DEFB123: variants seen among roughly 807,000 people sequenced by gnomAD.
DEFB123 encodes the protein beta-defensin 123.
For missense variants in DEFB123, 71 were observed against 75.0 expected, an observed-to-expected ratio of 0.95 and a Z score of 0.20; for synonymous variants, 22 against 28.3, an observed-to-expected ratio of 0.78 and a Z score of 0.71.
chr20:31,441,318 G>A (rs1979457982), intron 1 of DEFB123, among the ~76,000 whole-genome samples: 1 of 152,170 alleles, frequency 6.6e-6, no homozygotes, highest in Admixed American at 6.5e-5. Flanking sequence ...CCCAGGCTGA[G>A]GGAAAGGAGA....
chr20:31,447,190 C>T (rs540882184), intron 1 of DEFB123, among the ~76,000 whole-genome samples: 11 of 145,422 alleles, frequency 7.6e-5, no homozygotes, highest in Middle Eastern at 4.3e-3. Flanking sequence ...TGAACCCGGG[C>T]GGTGGAGGTT....
intron 1 of DEFB123, among the ~76,000 whole-genome samples, chr20:31,442,574 AG>A (rs765163660): frequency 6.8e-6 from 1 of 147,502 alleles, no homozygotes; most frequent in Non-Finnish European, 1.5e-5. Flanking sequence ...AGTGAACACC[AG>A]GGGAAGGGGA....
At chr20:31,441,705 TC>T (rs1979468992) in intron 1 of DEFB123, among the ~76,000 whole-genome samples, 1 of 152,116 alleles carries the variant, frequency 6.6e-6, no homozygotes, top group Non-Finnish European at 1.5e-5. Context: ...GGCTAACCTT[TC>T]TACAGAGTCA....
intron 1 of DEFB123, among the ~76,000 whole-genome samples, chr20:31,448,697 G>C (rs1377650797): frequency 6.6e-6 from 1 of 151,764 alleles, no homozygotes; most frequent in East Asian, 1.9e-4. Flanking sequence ...TATTCCATGT[G>C]AATATATACA....
chr20:31,443,134 C>T (rs1194603157), intron 1 of DEFB123, among the ~76,000 whole-genome samples: 1 of 152,188 alleles, frequency 6.6e-6, no homozygotes, highest in South Asian at 2.1e-4. Context: ...GTCCTGCTAG[C>T]ACTTACTACT....
intron 1 of DEFB123, among the ~76,000 whole-genome samples, chr20:31,444,865 C>T (rs1979547515): frequency 6.6e-6 from 1 of 152,172 alleles, no homozygotes; most frequent in African/African-American, 2.4e-5. Flanking sequence ...CTTCATCCCC[C>T]AAATTAAGCA....
At chr20:31,447,785 T>TC (rs1409580091) in intron 1 of DEFB123, among the ~76,000 whole-genome samples, 1 of 137,704 alleles carries the variant, frequency 7.3e-6, no homozygotes, top group Non-Finnish European at 1.6e-5. Flanking sequence ...CCCGGCTTTT[T>TC]TTTTTTTTTT....
At chr20:31,449,767 CAA>C (rs59939526) in intron 1 of DEFB123, among the ~76,000 whole-genome samples, 168 of 52,468 alleles carry the variant, frequency 3.2e-3, no homozygotes, top group African/African-American at 7.6e-3. Flanking sequence ...AGACTCATCT[CAA>C]AAAAAAAAAA....
intron 1 of DEFB123, among the ~76,000 whole-genome samples, chr20:31,443,475 G>C (rs1218982271): frequency 6.6e-6 from 1 of 152,214 alleles, no homozygotes; most frequent in Non-Finnish European, 1.5e-5. Flanking sequence ...TTTCTCTGAA[G>C]AGCTACCAGT....
intron 1 of DEFB123, among the ~76,000 whole-genome samples, chr20:31,443,613 C>T (rs1234569478): frequency 6.6e-6 from 1 of 152,186 alleles, no homozygotes; most frequent in African/African-American, 2.4e-5. Context: ...ATTATCTCTA[C>T]TTCCTGAGTG....
At chr20:31,447,080 T>C (rs1979607374) in intron 1 of DEFB123, among the ~76,000 whole-genome samples, 1 of 151,712 alleles carries the variant, frequency 6.6e-6, no homozygotes, top group African/African-American at 2.4e-5. Flanking sequence ...CTGACCAACA[T>C]GGAGAAACCC....
intron 1 of DEFB123, among the ~76,000 whole-genome samples, chr20:31,443,426 T>C (rs1352452686): frequency 6.6e-6 from 1 of 152,202 alleles, no homozygotes; most frequent in Non-Finnish European, 1.5e-5. Context: ...CCCCTTCAGG[T>C]AGCACCATGC....
chr20:31,445,831 G>A (rs566663625), intron 1 of DEFB123, among the ~76,000 whole-genome samples: 151 of 152,304 alleles, frequency 9.9e-4, no homozygotes, highest in Non-Finnish European at 1.5e-3. Context: ...ATGGGCCACC[G>A]CACCCGGCCG....
rs1979685953 is a variant in DEFB123 at position 31,449,664 on chromosome 20, G to A, written c.59-365G>A. Among the ~76,000 whole-genome samples, 7 of 149,750 alleles carry A rather than the reference G, an allele frequency of 4.7e-5. No homozygotes were observed. In the South Asian group the frequency reaches 1.5e-3, roughly 32 times the overall value. ...ATGTCTGTTGTCCTAGCTCCTCGGGGAAACTCAGGTGGGAGAGTCCCTTGA... is the reference window on the plus strand; with the variant it reads ...ATGTCTGTTGTCCTAGCTCCTCGGGAAAACTCAGGTGGGAGAGTCCCTTGA... On this transcript the variant is annotated intron_variant, in intron 1 of 1. Transcript: ENST00000376309.
chr20:31,443,835 G>A (rs1979522601), intron 1 of DEFB123, among the ~76,000 whole-genome samples: 1 of 152,192 alleles, frequency 6.6e-6, no homozygotes, highest in Admixed American at 6.5e-5. Context: ...TGTTGGGTAT[G>A]GTAGTGGTGA....
intron 1 of DEFB123, among the ~76,000 whole-genome samples, chr20:31,447,155 G>A (rs981652592): frequency 1.3e-5 from 2 of 151,712 alleles, no homozygotes; most frequent in Non-Finnish European, 2.9e-5. Flanking sequence ...CCAGCTACTC[G>A]GGAGGCTGAG....
chr20:31,446,904 G>T (rs997849947), intron 1 of DEFB123, among the ~76,000 whole-genome samples: 16 of 149,580 alleles, frequency 1.1e-4, no homozygotes, highest in Non-Finnish European at 2.1e-4. Flanking sequence ...CCGAGATCAC[G>T]CCACTGTGCT....
chr20:31,441,712 A>C (rs2122408664), intron 1 of DEFB123, among the ~76,000 whole-genome samples: 1 of 152,258 alleles, frequency 6.6e-6, no homozygotes, highest in East Asian at 1.9e-4. Flanking sequence ...CTTTCTACAG[A>C]GTCAGAAACG....
chr20:31,442,866 C>A (rs530498022), intron 1 of DEFB123, among the ~76,000 whole-genome samples: 1 of 152,180 alleles, frequency 6.6e-6, no homozygotes, highest in South Asian at 2.1e-4. Flanking sequence ...CCTCAGCCTC[C>A]CAAAGTGCTG....
Sources: gnomAD v4.1 joint callset for allele counts (sites outside exome capture counted in the v4.1 genomes callset) on GRCh38, gnomAD v4.1.1 for gene constraint, MANE v1.5 for transcripts, NCBI Gene and HGNC (gene_info 2026-07-23, HGNC 2026-07-21) for gene names.